The following CLASP1 variants were observed in gnomAD, a reference collection of about 807,000 sequenced individuals.
CLASP1 encodes the protein cytoplasmic linker associated protein 1.
In CLASP1, 38 loss-of-function variants were observed where a neutral mutation model predicts 192.3. That is an observed-to-expected ratio of 0.20 (90% CI 0.15 to 0.26). The LOEUF (loss-of-function observed/expected upper bound fraction) is 0.26, where lower values mean the gene tolerates loss of function less well. Ranked by LOEUF, CLASP1 falls within the 10% of genes least tolerant of loss-of-function variation. CLASP1 has a pLI of 1.00. For missense variants in CLASP1, 1,433 were observed against 1,932.5 expected (o/e 0.74, Z 4.85); for synonymous variants, 691 against 712.8 (o/e 0.97, Z 0.49).
chr2:121,478,843 A>C (rs2092162781), intron 8 of CLASP1, among the ~76,000 whole-genome samples: 1 of 47,778 alleles, frequency 2.1e-5, no homozygotes, highest in African/African-American at 1.2e-4. Context: ...CACACCACAC[A>C]CACACCACAC....
intron 19 of CLASP1, among the ~76,000 whole-genome samples, chr2:121,432,811 A>G (rs562252988): frequency 1.3e-5 from 2 of 152,274 alleles, no homozygotes; most frequent in Non-Finnish European, 2.9e-5. Context: ...CTAAACTTGT[A>G]TACAGATTTG....
At chr2:121,578,203 G>T (rs2060732228) in intron 2 of CLASP1, among the ~76,000 whole-genome samples, 1 of 151,838 alleles carries the variant, frequency 6.6e-6, no homozygotes, top group South Asian at 2.1e-4. Context: ...AAAGTGCAAG[G>T]ATTACACAGG....
intron 2 of CLASP1, among the ~76,000 whole-genome samples, chr2:121,558,774 T>A (rs1477436635): frequency 6.6e-6 from 1 of 152,180 alleles, no homozygotes; most frequent in Admixed American, 6.6e-5. Flanking sequence ...ACTAATACAC[T>A]CTTGCTGCCA....
At chr2:121,440,520 C>T (rs962389699) in intron 19 of CLASP1, among the ~76,000 whole-genome samples, 2 of 152,008 alleles carry the variant, frequency 1.3e-5, no homozygotes, top group Non-Finnish European at 2.9e-5. Context: ...GGCAACATGG[C>T]GAAACCCCAT....
intron 16 of CLASP1, among the ~76,000 whole-genome samples, 155 bp downstream of exon 16, chr2:121,450,754 AAGAG>A (rs1375466622): frequency 6.6e-6 from 1 of 152,224 alleles, no homozygotes; most frequent in Non-Finnish European, 1.5e-5. Flanking sequence ...TTATTAAAAA[AAGAG>A]AGAAATATTC....
chr2:121,438,591 GT>G (rs1373854521), intron 19 of CLASP1, among the ~76,000 whole-genome samples: 57 of 152,094 alleles, frequency 3.7e-4, no homozygotes, highest in African/African-American at 1.4e-3. Flanking sequence ...AGATAATCAT[GT>G]GGTTTTTGTC....
chr2:121,462,613 A>G lies in CLASP1; in HGVS notation c.866-8T>C, dbSNP rs544011735. On this transcript the variant is annotated splice_polypyrimidine_tract_variant and splice_region_variant and intron_variant, in intron 9 of 39. Transcript: ENST00000263710. ...CAGCTCCTTCTTTTGCAGCTGTAAA[A>G]AAGAATTTTAAAAATGTAAACAATA... 46 of 1,566,536 alleles carry G rather than the reference A, an allele frequency of 2.9e-5. No homozygotes were observed. The highest frequency in any genetic ancestry group is 3.9e-5 in the Non-Finnish European group (44 of 1,142,448).
chr2:121,554,503 G>C (rs1479048297), intron 2 of CLASP1, among the ~76,000 whole-genome samples: 1 of 150,010 alleles, frequency 6.7e-6, no homozygotes, highest in Non-Finnish European at 1.5e-5. Context: ...GGTGGCACTT[G>C]CCTGTGGTCC....
chr2:121,340,858 C>A (rs778006284), exon 40 of CLASP1: 108 of 1,608,948 alleles, frequency 6.7e-5, no homozygotes, highest in Non-Finnish European at 8.8e-5. Context: ...ACAGGTACTG[C>A]CATTAGCTGT....
rs193088852 is a variant in CLASP1, at chr2:121,601,384, T to C, written c.195+4317A>G. 5.3e-5 allele frequency among the ~76,000 whole-genome samples: 8 copies of C among 151,884 alleles called. No homozygotes were observed. In the East Asian group the frequency reaches 1.5e-3, roughly 29 times the overall value. On this transcript the variant is annotated intron_variant, in intron 2 of 39. Coordinates refer to ENST00000263710, the Ensembl canonical transcript of CLASP1. Reference sequence around the variant, plus strand: ...GCCTTCCGGGTTGAAGCAATTCTCCTACCTCAGCCTCCCAAGTAGCTGGGA... The same window carrying C: ...GCCTTCCGGGTTGAAGCAATTCTCCCACCTCAGCCTCCCAAGTAGCTGGGA...
intron 24 of CLASP1, among the ~76,000 whole-genome samples, chr2:121,409,931 T>A (rs17006453): frequency 0.046 from 6,999 of 152,214 alleles, 549 homozygotes; most frequent in African/African-American, 0.16. Context: ...CACAGACACT[T>A]GTCAAAGAAC....
chr2:121,404,311 TCACACAGAG>T, intron 26 of CLASP1, 51 bp downstream of exon 27: 1 of 1,587,316 alleles, frequency 6.3e-7, no homozygotes, highest in Non-Finnish European at 8.6e-7. Context: ...GGGTAGTATA[TCACACAGAG>T]CACACAGACA....
At chr2:121,419,023 CTG>C (rs958164679) in intron 22 of CLASP1, among the ~76,000 whole-genome samples, 19 of 152,160 alleles carry the variant, frequency 1.2e-4, no homozygotes, top group African/African-American at 4.6e-4. Context: ...GAACAACAAA[CTG>C]TCATCAGAAA....
chr2:121,401,734 C>T, intron 27 of CLASP1, 62 bp from the exon 29 acceptor site: 3 of 1,425,846 alleles, frequency 2.1e-6, no homozygotes, highest in East Asian at 2.3e-5. Context: ...CCAAAGTCTA[C>T]AAAACATTAA....
At chr2:121,578,176 G>A (rs1055772776) in intron 2 of CLASP1, among the ~76,000 whole-genome samples, 2 of 151,682 alleles carry the variant, frequency 1.3e-5, no homozygotes, top group African/African-American at 4.8e-5. Flanking sequence ...CACGCAATCC[G>A]CCCACCTCGG....
At chr2:121,458,765 A>G in intron 13 of CLASP1, 75 bp downstream of exon 13, 1 of 1,172,006 alleles carries the variant, frequency 8.5e-7, no homozygotes, top group Non-Finnish European at 1.1e-6. Context: ...TATGTTAACA[A>G]AAATGCCTCT....
rs559804338 is a variant in CLASP1 at position 121,518,442 on chromosome 2, G to GA, written c.547-2681dup. Among the ~76,000 whole-genome samples the GA allele has an allele frequency of 1.4e-4, 21 of 152,034 alleles. 1 individual carries two copies. In the South Asian group the frequency reaches 4.0e-3, roughly 29 times the overall value. Reference sequence around the variant, plus strand: ...ACCAGAACCCGGCCTCTAAAACTGTGAAAAAATTAATTTCTGTTGTTTAAC... The same window carrying GA: ...ACCAGAACCCGGCCTCTAAAACTGTGAAAAAAATTAATTTCTGTTGTTTAAC... On this transcript the variant is annotated intron_variant, in intron 6 of 39. Transcript: ENST00000263710.
chr2:121,469,871 T>C, exon 9 of CLASP1: 1 of 1,613,854 alleles, frequency 6.2e-7, no homozygotes, highest in Non-Finnish European at 8.5e-7. Flanking sequence ...CCAACGTTTC[T>C]CCGAGAACTT....
At chr2:121,386,962 T>TTA (rs1398536270) in intron 32 of CLASP1, among the ~76,000 whole-genome samples, 160 bp downstream of exon 33, 1 of 152,220 alleles carries the variant, frequency 6.6e-6, no homozygotes, top group South Asian at 2.1e-4. Flanking sequence ...TTGCATAAGA[T>TTA]TATACAGTTA....
Sources: gnomAD v4.1 joint callset for allele counts (sites outside exome capture counted in the v4.1 genomes callset) on GRCh38, gnomAD v4.1.1 for gene constraint, MANE v1.5 for transcripts, NCBI Gene and HGNC (gene_info 2026-07-23, HGNC 2026-07-21) for gene names.